The following KCNIP1 variants were observed in gnomAD, a reference collection of about 807,000 sequenced individuals.
KCNIP1 encodes the protein A-type potassium channel modulatory protein KCNIP1.
In KCNIP1, 18 loss-of-function variants were observed where a neutral mutation model predicts 33.0. That is an observed-to-expected ratio of 0.55 (90% CI 0.38 to 0.81). KCNIP1 has a LOEUF of 0.81. Ranked by LOEUF, KCNIP1 falls within the 30% of genes least tolerant of loss-of-function variation. The probability of loss-of-function intolerance (pLI) is 0.00; values close to 1 mark genes in which losing one functional copy is unlikely to be tolerated. For missense variants in KCNIP1, 238 were observed against 271.6 expected (o/e 0.88, Z 0.87); for synonymous variants, 93 against 98.3 (o/e 0.95, Z 0.32).
chr5:170,407,362 T>A (rs985640205), intron 1 of KCNIP1, among the ~76,000 whole-genome samples: 2 of 152,230 alleles, frequency 1.3e-5, no homozygotes, highest in Non-Finnish European at 2.9e-5. Context: ...GATCTAAGGA[T>A]GGGCAGGAAT....
chr5:170,643,741 G>A (rs548852289), intron 1 of KCNIP1, among the ~76,000 whole-genome samples: 6 of 152,342 alleles, frequency 3.9e-5, no homozygotes, highest in African/African-American at 7.2e-5. Context: ...ACAGTGGGAC[G>A]AGAAGTCATC....
At chr5:170,415,170 A>T (rs147314806) in intron 1 of KCNIP1, among the ~76,000 whole-genome samples, 17 of 152,186 alleles carry the variant, frequency 1.1e-4, no homozygotes, top group Non-Finnish European at 2.2e-4. Context: ...ACGTTGTTTC[A>T]TTCTTTCTGA....
At chr5:170,673,554 A>T (rs186739548) in intron 1 of KCNIP1, among the ~76,000 whole-genome samples, 22 of 152,356 alleles carry the variant, frequency 1.4e-4, no homozygotes, top group Admixed American at 3.3e-4. Flanking sequence ...GGGACCTAGT[A>T]TCTGTTCTAG....
rs540178181 is a variant in KCNIP1 at position 170,723,270 on chromosome 5, A to T, written c.435+450A>T. Among the ~76,000 whole-genome samples, 6 of 152,346 alleles carry T rather than the reference A, an allele frequency of 3.9e-5. No individual in the cohort carries two copies. The East Asian group carries it at 1.2e-3, about 29-fold the overall frequency. On this transcript the variant is annotated intron_variant, in intron 5 of 7. Coordinates refer to ENST00000328939, the MANE Select transcript of KCNIP1 (RefSeq NM_014592.4). Reference sequence around the variant, plus strand: ...TTGGCCTTAAACTATTTTGCCTATTAATACAACCGCCAAGGGGGTAATGGA... The same window carrying T: ...TTGGCCTTAAACTATTTTGCCTATTTATACAACCGCCAAGGGGGTAATGGA...
At chr5:170,663,188 C>T (rs1761565078) in intron 1 of KCNIP1, among the ~76,000 whole-genome samples, 1 of 152,174 alleles carries the variant, frequency 6.6e-6, no homozygotes, top group African/African-American at 2.4e-5. Flanking sequence ...GACTGAAACC[C>T]GAGTCTCGGA....
intron 1 of KCNIP1, among the ~76,000 whole-genome samples, chr5:170,391,241 C>T (rs1414124517): frequency 3.9e-5 from 6 of 152,180 alleles, no homozygotes; most frequent in African/African-American, 1.4e-4. Flanking sequence ...GGGAGAGATA[C>T]ACAGTGCAAC....
chr5:170,484,585 C>T (rs115166628), intron 1 of KCNIP1, among the ~76,000 whole-genome samples: 1,683 of 152,230 alleles, frequency 0.011, 33 homozygotes, highest in African/African-American at 0.039. Context: ...TTTCTGTCTA[C>T]CCATTCGTCT....
chr5:170,474,272 C>T (rs1756801553), intron 1 of KCNIP1, among the ~76,000 whole-genome samples: 1 of 152,172 alleles, frequency 6.6e-6, no homozygotes, highest in African/African-American at 2.4e-5. Flanking sequence ...TCCAAGAACT[C>T]CACCATCTCC....
chr5:170,574,877 G>A (rs1424593783), intron 1 of KCNIP1, among the ~76,000 whole-genome samples: 1 of 152,126 alleles, frequency 6.6e-6, no homozygotes, highest in Non-Finnish European at 1.5e-5. Flanking sequence ...GTGCAGACAT[G>A]GGGGAAACGT....
intron 1 of KCNIP1, among the ~76,000 whole-genome samples, chr5:170,708,984 T>C (rs945805576): frequency 3.9e-5 from 6 of 152,278 alleles, no homozygotes; most frequent in African/African-American, 1.2e-4. Context: ...GCTATTGATA[T>C]GTTGCTTAAT....
rs1455226991 is a variant in KCNIP1, at chr5:170,589,812, G to GCGGTGCGGTA, written c.61+85184_61+85185insCGGTACGGTG. On this transcript the variant is annotated intron_variant, in intron 1 of 7. Transcript: ENST00000328939. ...GATGTGGTGTGCGGTGCGGTGCGGT[G>GCGGTGCGGTA]CGGTGTGGTGTGGTATGGGTTGAGG... is the stretch of plus-strand genomic sequence containing the variant. 5.5e-4 allele frequency among the ~76,000 whole-genome samples: 83 copies of GCGGTGCGGTA among 152,010 alleles called. No individual in the cohort carries two copies. The East Asian group carries it at 0.013, about 25-fold the overall frequency.
chr5:170,525,646 C>T (rs983758511), intron 1 of KCNIP1, among the ~76,000 whole-genome samples: 1 of 152,232 alleles, frequency 6.6e-6, no homozygotes, highest in Non-Finnish European at 1.5e-5. Context: ...ACTCAGACTG[C>T]AGTGTTGCAG....
At chr5:170,486,842 C>A (rs1159265149) in intron 1 of KCNIP1, among the ~76,000 whole-genome samples, 3 of 152,210 alleles carry the variant, frequency 2.0e-5, no homozygotes, top group Non-Finnish European at 4.4e-5. Flanking sequence ...CCACCCTGAG[C>A]ACACCACACT....
chr5:170,716,746 G>A (rs997514119), intron 1 of KCNIP1, among the ~76,000 whole-genome samples: 2 of 152,146 alleles, frequency 1.3e-5, no homozygotes, highest in South Asian at 2.1e-4. Context: ...AACAAGTGCT[G>A]TTTCTTGAGT....
chr5:170,712,850 C>G (rs975038035), intron 1 of KCNIP1: 1 of 1,613,846 alleles, frequency 6.2e-7, no homozygotes, highest in South Asian at 1.1e-5. Context: ...TCACTCTTTC[C>G]TAGACATCGC....
chr5:170,669,738 T>C, intron 1 of KCNIP1: 3 of 618,538 alleles, frequency 4.9e-6, no homozygotes, highest in Non-Finnish European at 6.1e-6. Flanking sequence ...TTAACACTAA[T>C]GAGATGAGTG....
chr5:170,715,905 C>T (rs916546872), intron 1 of KCNIP1, among the ~76,000 whole-genome samples: 2 of 152,202 alleles, frequency 1.3e-5, no homozygotes, highest in African/African-American at 2.4e-5. Context: ...AGGCTCCCCA[C>T]GGGTTCACGC....
chr5:170,527,935 A>C (rs1239910942), intron 1 of KCNIP1, among the ~76,000 whole-genome samples: 1 of 152,072 alleles, frequency 6.6e-6, no homozygotes, highest in African/African-American at 2.4e-5. Flanking sequence ...GTTGTCCTGC[A>C]TTTACAGACA....
intron 1 of KCNIP1, among the ~76,000 whole-genome samples, chr5:170,426,215 A>G (rs1755609282): frequency 6.6e-6 from 1 of 150,672 alleles, no homozygotes; most frequent in Non-Finnish European, 1.5e-5. Flanking sequence ...GCTTGGGAAA[A>G]TGTTTGCTAA....
Sources: gnomAD v4.1 joint callset for allele counts (sites outside exome capture counted in the v4.1 genomes callset) on GRCh38, gnomAD v4.1.1 for gene constraint, MANE v1.5 for transcripts, NCBI Gene and HGNC (gene_info 2026-07-23, HGNC 2026-07-21) for gene names.